ANKS1B: variants seen among roughly 807,000 people sequenced by gnomAD.
ANKS1B encodes the protein ankyrin repeat and sterile alpha motif domain containing 1B.
A neutral mutation model predicts 148.3 loss-of-function variants in ANKS1B; 36 were observed. That is an observed-to-expected ratio of 0.24 (90% confidence interval 0.19 to 0.32). ANKS1B has a LOEUF of 0.32. Ranked by LOEUF, ANKS1B falls within the 10% of genes least tolerant of loss-of-function variation. The probability of loss-of-function intolerance (pLI) is 1.00; values close to 1 mark genes in which losing one functional copy is unlikely to be tolerated. For synonymous variants in ANKS1B, 542 were observed against 560.8 expected (o/e 0.97, Z 0.47); for missense variants, 1,157 against 1,542.6 (o/e 0.75, Z 4.19).
At chr12:99,259,753 C>A (rs545687913) in intron 12 of ANKS1B, among the ~76,000 whole-genome samples, 1 of 151,360 alleles carries the variant, frequency 6.6e-6, no homozygotes, top group Non-Finnish European at 1.5e-5. Flanking sequence ...AGGAAGCCAG[C>A]GACATTCACC....
intron 17 of ANKS1B, among the ~76,000 whole-genome samples, chr12:98,873,166 C>T (rs567587714): frequency 6.6e-6 from 1 of 152,204 alleles, no homozygotes; most frequent in Non-Finnish European, 1.5e-5. Flanking sequence ...AAACCCACCT[C>T]TGGCACAGCA....
chr12:99,952,438 T>C (rs1411766555), intron 1 of ANKS1B, among the ~76,000 whole-genome samples: 3 of 152,232 alleles, frequency 2.0e-5, no homozygotes, highest in African/African-American at 7.2e-5. Context: ...AACTACTTTC[T>C]TGTTATCTAA....
At chr12:99,629,079 A>G (rs544384307) in intron 9 of ANKS1B, among the ~76,000 whole-genome samples, 1 of 152,244 alleles carries the variant, frequency 6.6e-6, no homozygotes, top group Non-Finnish European at 1.5e-5. Flanking sequence ...TCATTTTCAT[A>G]TTATCTATGG....
rs766789251 is a variant in ANKS1B, at chr12:98,786,244, C to T, written c.3343-4107G>A. On this transcript the variant is annotated intron_variant, in intron 22 of 26. Coordinates refer to ENST00000683438, the MANE Select transcript of ANKS1B (RefSeq NM_001352186.2). ...GATATTTAGTTATATAGAGATGTTA[C>T]GTTTCTGAAATCTAAAATACAATGC... Among the ~76,000 whole-genome samples, 76 of 152,292 alleles carry T rather than the reference C, an allele frequency of 5.0e-4. 1 individual carries two copies. The highest frequency in any genetic ancestry group is 2.2e-4 in the Non-Finnish European group (15 of 68,014).
intron 9 of ANKS1B, among the ~76,000 whole-genome samples, chr12:99,604,547 C>T (rs1174630171): frequency 6.6e-6 from 1 of 151,720 alleles, no homozygotes; most frequent in East Asian, 1.9e-4. Context: ...GGGTGGAGTG[C>T]CTAACGCCTG....
chr12:99,015,817 G>A (rs1312482345), intron 17 of ANKS1B, among the ~76,000 whole-genome samples: 2 of 152,112 alleles, frequency 1.3e-5, no homozygotes, highest in Non-Finnish European at 2.9e-5. Context: ...AGTGAGCTGA[G>A]ATCACGCCAC....
intron 14 of ANKS1B, among the ~76,000 whole-genome samples, chr12:99,180,870 C>G (rs2079033622): frequency 6.8e-6 from 1 of 147,740 alleles, no homozygotes; most frequent in African/African-American, 2.4e-5. Context: ...TCTCCACTTT[C>G]TCCCCCAAAG....
At chr12:99,255,626 A>G (rs555078757) in intron 12 of ANKS1B, among the ~76,000 whole-genome samples, 13 of 152,226 alleles carry the variant, frequency 8.5e-5, no homozygotes, top group Admixed American at 6.5e-4. Flanking sequence ...GTTCCACTTT[A>G]TGCTGCATTC....
chr12:99,752,061 T>C (rs956890296), intron 8 of ANKS1B, among the ~76,000 whole-genome samples: 10 of 152,138 alleles, frequency 6.6e-5, no homozygotes, highest in African/African-American at 2.4e-4. Context: ...CAGCCCTAAA[T>C]AGGAGCAAGT....
At chr12:99,336,974 C>A (rs983621804) in intron 12 of ANKS1B, among the ~76,000 whole-genome samples, 21 of 152,074 alleles carry the variant, frequency 1.4e-4, no homozygotes, top group Admixed American at 2.6e-4. Context: ...TATTAAGTGT[C>A]TTGAGGTAGA....
chr12:99,638,288 G>A (rs1393729773), intron 9 of ANKS1B, among the ~76,000 whole-genome samples: 3 of 152,132 alleles, frequency 2.0e-5, no homozygotes, highest in Admixed American at 1.3e-4. Flanking sequence ...GAGACTTGAG[G>A]GCTCAGAAGA....
chr12:99,396,255 CA>C (rs2094239735), intron 12 of ANKS1B, among the ~76,000 whole-genome samples: 1 of 152,048 alleles, frequency 6.6e-6, no homozygotes, highest in Non-Finnish European at 1.5e-5. Context: ...AAATATCTAG[CA>C]AATCAGTGAT....
chr12:99,671,578 T>C (rs1323362663), intron 8 of ANKS1B, among the ~76,000 whole-genome samples: 2 of 152,140 alleles, frequency 1.3e-5, no homozygotes, highest in Non-Finnish European at 1.5e-5. Context: ...GTTGTTCAGT[T>C]ACATGAAAGT....
At chr12:99,727,063 C>A (rs1183714230) in intron 8 of ANKS1B, among the ~76,000 whole-genome samples, 1 of 152,054 alleles carries the variant, frequency 6.6e-6, no homozygotes. Context: ...GGAAGCATTC[C>A]CTTTGAAAAC....
chr12:99,848,776 C>A (rs1372990565), intron 1 of ANKS1B, among the ~76,000 whole-genome samples: 6 of 151,760 alleles, frequency 4.0e-5, no homozygotes, highest in Non-Finnish European at 5.9e-5. Flanking sequence ...TAAAGGCACA[C>A]AGCCCAATAA....
At chr12:98,747,149 A>T (rs1189048038) in intron 26 of ANKS1B, among the ~76,000 whole-genome samples, 1 of 152,228 alleles carries the variant, frequency 6.6e-6, no homozygotes, top group Non-Finnish European at 1.5e-5. Context: ...AATGGGAGAA[A>T]ATATTTGCAA....
chr12:99,329,086 G>A (rs996856051), intron 12 of ANKS1B, among the ~76,000 whole-genome samples: 1 of 151,928 alleles, frequency 6.6e-6, no homozygotes, highest in African/African-American at 2.4e-5. Context: ...CAGAGCCTCA[G>A]TGAACTATGG....
At chr12:99,040,218 T>C (rs2099958056) in intron 17 of ANKS1B, among the ~76,000 whole-genome samples, 1 of 152,042 alleles carries the variant, frequency 6.6e-6, no homozygotes, top group Non-Finnish European at 1.5e-5. Flanking sequence ...TGGGAGGTGG[T>C]GAAACAGGCA....
chr12:99,490,145 T>C (rs912555016), intron 10 of ANKS1B, among the ~76,000 whole-genome samples: 2 of 152,222 alleles, frequency 1.3e-5, no homozygotes, highest in Non-Finnish European at 2.9e-5. Context: ...ACACACCTAG[T>C]TGACCTGGAA....
Sources: allele counts gnomAD v4.1 joint callset (sites outside exome capture counted in the v4.1 genomes callset), GRCh38; gene constraint gnomAD v4.1.1; transcripts MANE v1.5; gene names NCBI Gene and HGNC (gene_info 2026-07-23, HGNC 2026-07-21).